Variants in CYP3A7 observed in about 807,000 individuals in gnomAD.
CYP3A7 encodes the protein cytochrome P450 family 3 subfamily A member 7.
A neutral mutation model predicts 55.2 loss-of-function variants in CYP3A7; 45 were observed. The ratio of observed to expected loss-of-function variants is 0.82; its 90% CI spans 0.64 to 1.05. The LOEUF (loss-of-function observed/expected upper bound fraction) is 1.05, where lower values mean the gene tolerates loss of function less well. Among genes scored for constraint, CYP3A7 ranks in the 50% least tolerant of loss-of-function variants. The pLI, the probability that CYP3A7 is intolerant of heterozygous loss-of-function variation, is 0.00. For missense variants in CYP3A7, 548 were observed against 605.3 expected, an observed-to-expected ratio of 0.91 and a Z score of 0.99; for synonymous variants, 180 against 207.4, an observed-to-expected ratio of 0.87 and a Z score of 1.13.
intron 2 of CYP3A7, among the ~76,000 whole-genome samples, chr7:99,727,805 T>C (rs1814469508): frequency 6.6e-6 from 1 of 152,224 alleles, no homozygotes; most frequent in Non-Finnish European, 1.5e-5. Flanking sequence ...TCAATATTTA[T>C]ACTGACTCTA....
intron 10 of CYP3A7, among the ~76,000 whole-genome samples, chr7:99,709,810 A>G (rs1813678619): frequency 6.6e-6 from 1 of 152,216 alleles, no homozygotes; most frequent in East Asian, 1.9e-4. Flanking sequence ...ATATGCATAT[A>G]TACACAAAAG....
intron 4 of CYP3A7, among the ~76,000 whole-genome samples, chr7:99,718,350 A>G (rs1814054376): frequency 6.6e-6 from 1 of 152,148 alleles, no homozygotes; most frequent in South Asian, 2.1e-4. Context: ...TTTCCTCTTA[A>G]TTTTTTATTC....
In CYP3A7 at chr7:99,733,611, G is replaced by C. The variant is rs369625667; in HGVS notation, c.71+1412C>G. On this transcript the variant is annotated intron_variant, in intron 1 of 12. Transcript: ENST00000336374. ...CACAACATGGCCAGCCACACACAGA[G>C]TGACACTGATGGTGCCCTTGTGTCC... Among the ~76,000 whole-genome samples the C allele has an allele frequency of 7.9e-5, 12 of 152,272 alleles. No individual in the cohort carries two copies. In the East Asian group the frequency reaches 1.9e-3, roughly 25 times the overall value.
chr7:99,730,440 T>C (rs1261569486), intron 2 of CYP3A7: 1 of 153,424 alleles, frequency 6.5e-6, no homozygotes, highest in Non-Finnish European at 1.5e-5. Context: ...GCAGAACACT[T>C]TTGTTCTGTG....
At chr7:99,707,660 C>A in intron 12 of CYP3A7, 152 bp downstream of exon 12, 1 of 1,305,358 alleles carries the variant, frequency 7.7e-7, no homozygotes. Context: ...AACTGAAGCA[C>A]CCTTAAAGAT....
At chr7:99,734,147 A>G (rs541962346) in intron 1 of CYP3A7, among the ~76,000 whole-genome samples, 6 of 152,356 alleles carry the variant, frequency 3.9e-5, no homozygotes, top group African/African-American at 1.4e-4. Flanking sequence ...GATGGAAACT[A>G]TGTTACCACA....
chr7:99,723,866 G>A (rs1272681221), intron 2 of CYP3A7, among the ~76,000 whole-genome samples: 1 of 152,188 alleles, frequency 6.6e-6, no homozygotes, highest in African/African-American at 2.4e-5. Flanking sequence ...TGCCAGTCAT[G>A]GACTCGGGAA....
At chr7:99,718,944 C>A (rs1473061988) in intron 4 of CYP3A7, among the ~76,000 whole-genome samples, 1 of 152,138 alleles carries the variant, frequency 6.6e-6, no homozygotes, top group Non-Finnish European at 1.5e-5. Context: ...GTAAATCCAA[C>A]AAAACATGCA....
At chr7:99,723,467 C>T (rs1455740895) in intron 2 of CYP3A7, among the ~76,000 whole-genome samples, 1 of 152,200 alleles carries the variant, frequency 6.6e-6, no homozygotes, top group Non-Finnish European at 1.5e-5. Flanking sequence ...CCCTATCTCC[C>T]TTTGCAGACT....
intron 3 of CYP3A7, 151 bp downstream of exon 3, chr7:99,722,144 CA>C: frequency 1.1e-6 from 1 of 936,452 alleles, no homozygotes; most frequent in South Asian, 1.5e-5. Context: ...CTCCCAAATA[CA>C]TATCTTCTTC....
At chr7:99,720,437 T>C (rs1814156030) in intron 3 of CYP3A7, 25 bp from the exon 4 acceptor site, 1 of 1,612,472 alleles carries the variant, frequency 6.2e-7, no homozygotes, top group African/African-American at 1.3e-5. Flanking sequence ...CAGAGTTGAT[T>C]AAACATCAAC....
At chr7:99,705,865 G>A (rs532603363) in intron 12 of CYP3A7, among the ~76,000 whole-genome samples, 2 of 152,262 alleles carry the variant, frequency 1.3e-5, no homozygotes, top group Admixed American at 1.3e-4. Context: ...ATGGGAACCC[G>A]TGTTCTTTTT....
intron 4 of CYP3A7, among the ~76,000 whole-genome samples, chr7:99,718,055 T>C (rs1814035759): frequency 6.6e-6 from 1 of 151,904 alleles, no homozygotes; most frequent in African/African-American, 2.4e-5. Context: ...ATGTGGTAGA[T>C]TTAAAAAAAT....
intron 3 of CYP3A7, 90 bp from the exon 4 acceptor site, chr7:99,720,502 T>G (rs1814158583): frequency 7.2e-7 from 1 of 1,390,580 alleles, no homozygotes; most frequent in Non-Finnish European, 1.0e-6. Flanking sequence ...GATCCGGACA[T>G]TACATAATCC....
At chr7:99,705,623 A>G (rs915917299) in intron 12 of CYP3A7, 28 bp from the exon 13 acceptor site, 1 of 1,610,958 alleles carries the variant, frequency 6.2e-7, no homozygotes, top group African/African-American at 1.3e-5. Context: ...GCATATTGAG[A>G]AGCATTAAAT....
chr7:99,725,607 C>G (rs1441277318), intron 2 of CYP3A7, among the ~76,000 whole-genome samples: 1 of 152,236 alleles, frequency 6.6e-6, no homozygotes, highest in Non-Finnish European at 1.5e-5. Flanking sequence ...AAGCCGTGCC[C>G]TGTCTGTGTG....
chr7:99,717,309 A>G (rs544753970), intron 5 of CYP3A7, 44 bp from the exon 6 acceptor site: 7 of 1,613,584 alleles, frequency 4.3e-6, no homozygotes, highest in African/African-American at 4.0e-5. Context: ...ATGTGCAGAC[A>G]TAAGTCCCAG....
At chr7:99,725,281 A>G (rs890246789) in intron 2 of CYP3A7, among the ~76,000 whole-genome samples, 5 of 152,156 alleles carry the variant, frequency 3.3e-5, no homozygotes, top group Admixed American at 2.6e-4. Context: ...TTATGACCCA[A>G]TCCTCTCCTG....
intron 2 of CYP3A7, among the ~76,000 whole-genome samples, chr7:99,726,202 A>C (rs1814405495): frequency 6.6e-6 from 1 of 152,010 alleles, no homozygotes; most frequent in African/African-American, 2.4e-5. Context: ...AACTGATCAC[A>C]TGCCCATTAC....
Sources: gnomAD v4.1 joint callset for allele counts (sites outside exome capture counted in the v4.1 genomes callset) on GRCh38, gnomAD v4.1.1 for gene constraint, MANE v1.5 for transcripts, NCBI Gene and HGNC (gene_info 2026-07-23, HGNC 2026-07-21) for gene names.